SCNN1D: variants seen among roughly 807,000 people sequenced by gnomAD.
SCNN1D encodes the protein sodium channel epithelial 1 subunit delta.
SCNN1D carries 104 observed loss-of-function variants against 87.8 expected under a neutral mutation model. The ratio of observed to expected loss-of-function variants is 1.18; its 90% CI spans 1.01 to 1.39. The LOEUF is 1.39. SCNN1D is among the 40% of genes most tolerant of loss of function. SCNN1D has a pLI of 0.00. For missense variants in SCNN1D, 1,324 were observed against 1,093.9 expected (o/e 1.21, Z -2.97); for synonymous variants, 628 against 481.2 (o/e 1.31, Z -3.99).
Position 1,285,597 on chromosome 1 carries a change from G to A in SCNN1D, c.491G>A (p.Arg164Lys). 6.5e-7 allele frequency: 1 copy of A among 1,543,402 alleles called. No individual in the cohort carries two copies. The highest frequency in any genetic ancestry group is 2.5e-5 in the East Asian group (1 of 40,658). Residue 164 changes from arginine (R) to lysine (K), a missense_variant, in exon 6 of 18, where the codon AGG becomes AAG. Physicochemically the swap from Arg to Lys is conservative, Grantham distance 26. Transcript: ENST00000379116. The stretch of plus-strand genomic sequence containing the variant: ...TCGCCTGGGCCTGTGGCTCCCCAGA[G>A]GCCCTGCCACCTGAAGGGATGGCAG... ...SRSPGPVAPQ[R>K]PCHLKGWQHR...
chr1:1,286,832 C>T lies in SCNN1D; in HGVS notation c.976C>T (p.Leu326=), dbSNP rs1640601974. The T allele has an allele frequency of 6.2e-7, 1 of 1,612,572 alleles. No homozygotes were observed. The highest frequency in any genetic ancestry group is 8.5e-7 in the Non-Finnish European group (1 of 1,179,922). ...DEFARENIDS[L]YNVNLSKGRA... is the part of the protein sequence containing the mutation. The stretch of plus-strand genomic sequence containing the variant: ...GTTTGCCAGGGAGAACATTGACTCC[C>T]TGTACAACGTCAACCTCAGCAAAGG... Residue 326 remains leucine, a synonymous_variant, in exon 8 of 18, where the codon CTG becomes TTG. Coordinates refer to ENST00000379116, the MANE Select transcript of SCNN1D (RefSeq NM_001130413.4).
In SCNN1D at chr1:1,287,997, T is replaced by G. The variant is rs574988244; in HGVS notation, c.1622T>G (p.Val541Gly). ...CACTGCACCGCCGGCGGGGAAGGCG[T>G]GGAGGTGGAGCTGCTACACAACACC... ...YGHCTAGGEG[V>G]EVELLHNTSY... Residue 541 changes from valine to glycine, a missense_variant, in exon 12 of 18, where the codon GTG (valine) becomes GGG (glycine). Val to Gly is a moderately radical substitution (Grantham distance 109). Transcript: ENST00000379116. 5.8e-6 allele frequency: 9 copies of G among 1,539,458 alleles called. No individual in the cohort carries two copies. In the South Asian group the frequency reaches 9.6e-5, roughly 16 times the overall value.
At position 1,286,205 on chromosome 1, in the gene SCNN1D, C is replaced by G. The variant is rs372468691; in HGVS notation, c.838C>G (p.Leu280Val). ...LFERHWHRPVLMAVSVHSERK... is the reference protein window; with the variant it reads ...LFERHWHRPVVMAVSVHSERK... ...TGAGCGTCACTGGCACCGCCCGGTC[C>G]TCATGGCCGTCTCTGTGCACTCGGA... Residue 280 changes from leucine (L) to valine (V), a missense_variant, in exon 7 of 18, where the codon CTC (leucine) becomes GTC (valine). Physicochemically the swap from Leu to Val is conservative, Grantham distance 32. Transcript: ENST00000379116. 2 of 1,600,980 alleles carry G rather than the reference C, an allele frequency of 1.2e-6. No individual in the cohort carries two copies. Among genetic ancestry groups the G allele is most frequent in the African/African-American group, 2.7e-5 (2 of 74,972 alleles).
intron 15 of SCNN1D, 31 bp from the exon 16 acceptor site, chr1:1,290,864 G>T: frequency 6.2e-7 from 1 of 1,606,666 alleles, no homozygotes; most frequent in South Asian, 1.1e-5. Flanking sequence ...GCATGGGGGA[G>T]CCGTGGCCAC....
intron 8 of SCNN1D, 59 bp from the exon 9 acceptor site, chr1:1,287,050 G>C: frequency 1.9e-6 from 3 of 1,577,654 alleles, no homozygotes; most frequent in South Asian, 1.2e-5. Context: ...CTGGTACCTC[G>C]AGTGGGGAGC....
chr1:1,286,709 G>T lies in SCNN1D; in HGVS notation c.912-59G>T, dbSNP rs934616584. 22 of 1,499,654 alleles carry T rather than the reference G, an allele frequency of 1.5e-5. No individual in the cohort carries two copies. The East Asian group carries it at 5.0e-4, about 34-fold the overall frequency. 92.9% of individuals were successfully genotyped at this position (1,499,654 alleles called of 1,614,324 possible). Reference sequence around the variant, plus strand: ...CTGTCCCGACAGCACACACTGGGATGCTGGGGCCAGTGTGAGGCCCCGGGC... The same window carrying T: ...CTGTCCCGACAGCACACACTGGGATTCTGGGGCCAGTGTGAGGCCCCGGGC... On this transcript the variant is annotated intron_variant, in intron 7 of 17. Coordinates refer to ENST00000379116, the MANE Select transcript of SCNN1D (RefSeq NM_001130413.4).
In SCNN1D at chr1:1,291,656, G is replaced by A; in HGVS notation, c.*46G>A. On this transcript the variant is annotated 3_prime_UTR_variant, in exon 18 of 18. Transcript: ENST00000379116. ...GCGATCTCTTGGCCTGGTCCTTGCAGCTGTGGCAGCAGCAGGCTCCCCAGC... is the reference window on the plus strand; with the variant it reads ...GCGATCTCTTGGCCTGGTCCTTGCAACTGTGGCAGCAGCAGGCTCCCCAGC... 1 of 1,409,328 alleles carries A rather than the reference G, an allele frequency of 7.1e-7. No homozygotes were observed. The highest frequency in any genetic ancestry group is 1.5e-5 in the South Asian group (1 of 68,766). The allele number at this position is 1,409,328 out of a possible 1,614,324, so 87.3% of individuals were successfully genotyped here. A position where few individuals can be genotyped will look rare whatever the true frequency, so the allele number is the denominator to read the frequency against.
chr1:1,281,181 G>A (rs761399087), intron 1 of SCNN1D, 45 bp from the exon 2 acceptor site: 3 of 1,517,048 alleles, frequency 2.0e-6, no homozygotes, highest in South Asian at 1.2e-5. Flanking sequence ...GGGATAGGAG[G>A]TCCTGGCTGG....
chr1:1,290,136 C>CTCTGCTCCATCCCGTG, intron 12 of SCNN1D, 135 bp from the exon 13 acceptor site: 2 of 520,858 alleles, frequency 3.8e-6, no homozygotes, highest in South Asian at 2.3e-5. Context: ...TCCCCCGTGT[C>CTCTGCTCCATCCCGTG]TCTGCTCCGT....
Position 1,287,306 on chromosome 1 carries a change from G to A in SCNN1D, c.1310+7G>A. On this transcript the variant is annotated splice_region_variant and intron_variant, in intron 9 of 17. Coordinates refer to ENST00000379116, the MANE Select transcript of SCNN1D (RefSeq NM_001130413.4). ...GCCTGGACTGCCAGGCCCGGTGAGT[G>A]TGGCGGGCGGGGGCCACTCCTTCCG... 1 of 1,572,106 alleles carries A rather than the reference G, an allele frequency of 6.4e-7. No homozygotes were observed.
chr1:1,283,044 G>A (rs1640502480), intron 4 of SCNN1D, among the ~76,000 whole-genome samples: 1 of 152,262 alleles, frequency 6.6e-6, no homozygotes, highest in Middle Eastern at 3.4e-3. Flanking sequence ...GAGCCACCGC[G>A]CCTGGTGGTC....
In SCNN1D at chr1:1,290,272, C is replaced by T. The variant is rs777742392; in HGVS notation, c.1664C>T (p.Ala555Val). The change falls in exon 13 of 18, where the codon GCC becomes GTC. Residue 555 changes from alanine (A) to valine (V), a missense_variant and splice_region_variant. Ala to Val is a moderately conservative substitution (Grantham distance 64, BLOSUM62 0). Transcript: ENST00000379116. ...CCTGCTCATCCCCCCTGTCCCCAGG[C>T]CTGCCTGGTGTCCTGCTTCCAGCAG... The part of the protein sequence containing the change: ...LLHNTSYTRQ[A>V]CLVSCFQQLM... The T allele has an allele frequency of 6.4e-7, 1 of 1,561,606 alleles. No individual in the cohort carries two copies. Among genetic ancestry groups the T allele is most frequent in the East Asian group, 2.2e-5 (1 of 44,474 alleles).
At position 1,290,512 on chromosome 1, in the gene SCNN1D, AC is replaced by A; in HGVS notation, c.1819del (p.His607ThrfsTer40). On this transcript the variant is annotated frameshift_variant, in exon 14 of 18. Transcript: ENST00000379116. LOFTEE classifies it high-confidence loss of function. ...CTACCGCCTCTACCAGGACCTGGAG[AC>A]CCACCGGCTCCCCTGTACCTCCCGC... ...CFYRLYQDLE[T>X]HRLPCTSRCP... The A allele has an allele frequency of 3.1e-6, 5 of 1,612,256 alleles. No individual in the cohort carries two copies. The South Asian group carries it at 5.5e-5, about 18-fold the overall frequency.
intron 7 of SCNN1D, 124 bp from the exon 8 acceptor site, chr1:1,286,644 C>A: frequency 1.1e-6 from 1 of 931,868 alleles, no homozygotes; most frequent in Non-Finnish European, 1.6e-6. Context: ...GCTCTGGGTC[C>A]AGCTCACCCC....
Position 1,287,961 on chromosome 1 carries a change from GC to G in SCNN1D, c.1590del (p.Tyr531ThrfsTer34). The G allele has an allele frequency of 6.5e-7, 1 of 1,545,580 alleles. No individual in the cohort carries two copies. The highest frequency in any genetic ancestry group is 2.5e-5 in the East Asian group (1 of 40,802). On this transcript the variant is annotated frameshift_variant, in exon 12 of 18. Transcript: ENST00000379116. LOFTEE classifies it high-confidence loss of function. ...CAGGACGAGGTGCACCGGCTCGGGA[GC>G]CCCTACGGCCACTGCACCGCCGGCG... ...IREDEVHRLG[S>X]PYGHCTAGGE...
At chr1:1,287,068 G>A (rs1444380063) in intron 8 of SCNN1D, 41 bp from the exon 9 acceptor site, 3 of 1,578,512 alleles carry the variant, frequency 1.9e-6, no homozygotes, top group Non-Finnish European at 2.6e-6. Context: ...AGCGGGGCCT[G>A]GGCTGTAGCC....
intron 14 of SCNN1D, 34 bp downstream of exon 14, chr1:1,290,589 T>A: frequency 6.2e-7 from 1 of 1,612,452 alleles, no homozygotes. Context: ...CGGCCAGGGA[T>A]CATTGCCCCA....
At chr1:1,291,034 C>A (rs1427065167) in intron 16 of SCNN1D, 31 bp from the exon 17 acceptor site, 1 of 1,605,454 alleles carries the variant, frequency 6.2e-7, no homozygotes, top group East Asian at 2.2e-5. Context: ...AAGGTCTGGG[C>A]CAGCGCCCTC....
intron 9 of SCNN1D, 101 bp downstream of exon 9, chr1:1,287,400 T>C (rs1435811572): frequency 3.4e-6 from 5 of 1,488,902 alleles, no homozygotes; most frequent in Middle Eastern, 1.8e-4. Context: ...CACCCAAGGC[T>C]GGCCGGAGGA....
Sources: gnomAD v4.1 joint callset for allele counts (sites outside exome capture counted in the v4.1 genomes callset) on GRCh38, gnomAD v4.1.1 for gene constraint, MANE v1.5 for transcripts, NCBI Gene and HGNC (gene_info 2026-07-23, HGNC 2026-07-21) for gene names.